The following RAB13 variants were observed in gnomAD, a reference collection of about 807,000 sequenced individuals.
The protein encoded by RAB13 is RAB13, member RAS oncogene family.
RAB13 carries 15 observed loss-of-function variants against 29.3 expected under a neutral mutation model. That is an observed-to-expected ratio of 0.51 (90% confidence interval 0.34 to 0.79). The LOEUF is 0.79. Among genes scored for constraint, RAB13 ranks in the 30% least tolerant of loss-of-function variants. The pLI, the probability that RAB13 is intolerant of heterozygous loss-of-function variation, is 0.01. For synonymous variants in RAB13, 82 were observed against 93.8 expected (o/e 0.87, Z 0.73); for missense variants, 186 against 255.5 (o/e 0.73, Z 1.85).
At position 153,983,282 on chromosome 1, in the gene RAB13, T is replaced by C. The variant is rs1184288870; in HGVS notation, c.261A>G (p.Val87=). ...YYRGAMGIIL[V]YDITDEKSFE... ...AAGATTTCTCATCCGTGATGTCGTA[T>C]ACTAGGATAATGCCCTGGGAGATGA... The change falls in exon 4 of 8, where the codon GTA becomes GTG. Residue 87 remains valine (V), a synonymous_variant. Transcript: ENST00000368575. 2.4e-5 allele frequency: 38 copies of C among 1,613,812 alleles called. No individual in the cohort carries two copies. Among genetic ancestry groups the C allele is most frequent in the Non-Finnish European group, 2.9e-5 (34 of 1,179,830 alleles).
At position 153,985,125 on chromosome 1, in the gene RAB13, T is replaced by G. The variant is rs137955634; in HGVS notation, c.125-344A>C. The stretch of plus-strand genomic sequence containing the variant: ...CTCTGTCTCCCCCCAGATATTACTT[T>G]CACATTCCTCTTCTCTGTTTTCTTA... On this transcript the variant is annotated intron_variant, in intron 1 of 7. Transcript: ENST00000368575. 644 of 1,055,502 alleles carry G rather than the reference T, an allele frequency of 6.1e-4. 3 individuals are homozygous for G. In the African/African-American group the frequency reaches 0.01, roughly 17 times the overall value. The allele number at this position is 1,055,502 out of a possible 1,614,324, so 65.4% of individuals were successfully genotyped here.
chr1:153,982,409 C>T lies in RAB13; in HGVS notation c.516G>A (p.Lys172=), dbSNP rs1225917171. Residue 172 remains lysine, a synonymous_variant, in exon 7 of 8, where the codon AAG becomes AAA. Coordinates refer to ENST00000368575, the MANE Select transcript of RAB13 (RefSeq NM_002870.5). ...FSSLARDILL[K]SGGRRSGNGN... Reference sequence around the variant, plus strand: ...AACTTACTGATCTCCGGCCTCCTGACTTGAGCAAGATGTCCCGGGCCAGGG... The same window carrying T: ...AACTTACTGATCTCCGGCCTCCTGATTTGAGCAAGATGTCCCGGGCCAGGG... 2.5e-6 allele frequency: 4 copies of T among 1,613,890 alleles called. No individual in the cohort carries two copies. The highest frequency in any genetic ancestry group is 3.4e-6 in the Non-Finnish European group (4 of 1,179,910).
chr1:153,982,843 C>T (rs1304023716), intron 4 of RAB13, 35 bp from the exon 5 acceptor site: 4 of 1,608,264 alleles, frequency 2.5e-6, no homozygotes, highest in Non-Finnish European at 3.4e-6. Context: ...TTAGGTCCTG[C>T]CGGCTGGGAG....
At chr1:153,986,439 C>T, upstream of RAB13, 1 of 558,580 alleles carries the variant, frequency 1.8e-6, no homozygotes, top group East Asian at 3.0e-5. Context: ...CAGGCCAAGG[C>T]TGCCAGCCCG....
At chr1:153,984,686 G>C (rs1649103853) in intron 2 of RAB13, 35 bp downstream of exon 2, 7 of 1,570,716 alleles carry the variant, frequency 4.5e-6, no homozygotes, top group Non-Finnish European at 5.3e-6. Flanking sequence ...GGTAAATGGG[G>C]AAGTCTGGCG....
chr1:153,989,550 A>T (rs1427001131), upstream of RAB13, among the ~76,000 whole-genome samples: 1 of 150,732 alleles, frequency 6.6e-6, no homozygotes, highest in Non-Finnish European at 1.5e-5. Flanking sequence ...CGCCCGGGCA[A>T]GAAAAAATTA....
At chr1:153,986,841 G>A (rs1251718962), upstream of RAB13, among the ~76,000 whole-genome samples, 2 of 152,158 alleles carry the variant, frequency 1.3e-5, no homozygotes, top group Admixed American at 1.3e-4. Context: ...TTAGTTCTAT[G>A]GGTCCCAATT....
rs200707259 is a variant in RAB13, at chr1:153,984,737, T to G, written c.169A>C (p.Ile57Leu). Reference sequence around the variant, plus strand: ...CTGACTTACCAGACTTGTAGTTTGATCTTCTTCCCCTCTATATCCACAGTG... The same window carrying G: ...CTGACTTACCAGACTTGTAGTTTGAGCTTCTTCCCCTCTATATCCACAGTG... ...IRTVDIEGKK[I>L]KLQVWDTAGQ... Residue 57 changes from isoleucine to leucine, a missense_variant, in exon 2 of 8, where the codon ATC becomes CTC. Coordinates refer to ENST00000368575, the MANE Select transcript of RAB13 (RefSeq NM_002870.5). The G allele has an allele frequency of 1.4e-4, 224 of 1,613,670 alleles. No homozygotes were observed. Among genetic ancestry groups the G allele is most frequent in the Non-Finnish European group, 1.8e-4 (215 of 1,179,762 alleles).
intron 1 of RAB13, chr1:153,985,899 G>C: frequency 1.6e-6 from 1 of 633,472 alleles, no homozygotes; most frequent in Non-Finnish European, 2.4e-6. Flanking sequence ...GGAGCTGGCA[G>C]CAGTTGAAGA....
In RAB13 at chr1:153,984,756, C is replaced by T. The variant is rs1649107092; in HGVS notation, c.150G>A (p.Val50=). ...GTTTGATCTTCTTCCCCTCTATATC[C>T]ACAGTGCGGATCTTGAAATCAATTC... ...TIGIDFKIRT[V]DIEGKKIKLQ... is the part of the protein sequence containing the mutation. Residue 50 remains valine, a synonymous_variant, in exon 2 of 8, where the codon GTG becomes GTA. Coordinates refer to ENST00000368575, the MANE Select transcript of RAB13 (RefSeq NM_002870.5). The T allele has an allele frequency of 6.2e-7, 1 of 1,613,546 alleles. No homozygotes were observed. Among genetic ancestry groups the T allele is most frequent in the Non-Finnish European group, 8.5e-7 (1 of 1,179,790 alleles).
upstream of RAB13, chr1:153,986,358 G>A: frequency 1.3e-6 from 1 of 794,722 alleles, no homozygotes; most frequent in Non-Finnish European, 2.0e-6. Context: ...CTCCCTCTCC[G>A]CCCAGGCTCC....
Position 153,982,195 on chromosome 1 carries a change from A to C in RAB13, c.535-19T>G. The C allele has an allele frequency of 6.2e-7, 1 of 1,606,456 alleles. No homozygotes were observed. The highest frequency in any genetic ancestry group is 8.5e-7 in the Non-Finnish European group (1 of 1,172,992). ...CGTTTCCCTAGAGGGAGAAGGGCAC[A>C]GGTGTCATGGTGTGAATGGATGGTT... On this transcript the variant is annotated intron_variant, in intron 7 of 7. Transcript: ENST00000368575.
chr1:153,983,993 A>G (rs1649079357), intron 2 of RAB13, among the ~76,000 whole-genome samples: 2 of 152,066 alleles, frequency 1.3e-5, no homozygotes, highest in Admixed American at 6.5e-5. Flanking sequence ...CCTGGCCAAC[A>G]TGGTGAAACC....
chr1:153,987,348 TAC>T (rs550441211), upstream of RAB13, among the ~76,000 whole-genome samples: 2 of 149,992 alleles, frequency 1.3e-5, no homozygotes, highest in South Asian at 2.1e-4. Context: ...CTACTAAAAA[TAC>T]ACACACACAC....
In RAB13 at chr1:153,983,509, C is replaced by CACACT. The variant is rs1480712503; in HGVS notation, c.246+7_246+11dup. 1 of 1,596,690 alleles carries CACACT rather than the reference C, an allele frequency of 6.3e-7. No individual in the cohort carries two copies. Among genetic ancestry groups the CACACT allele is most frequent in the African/African-American group, 1.3e-5 (1 of 74,580 alleles). On this transcript the variant is annotated intron_variant, in intron 3 of 7. Coordinates refer to ENST00000368575, the MANE Select transcript of RAB13 (RefSeq NM_002870.5). Reference sequence around the variant, plus strand: ...TCATCCTTCATCCTTTGTTCAGACCCACACTTCATACCATGGCTCCACGGT... The same window carrying CACACT: ...TCATCCTTCATCCTTTGTTCAGACCCACACTACACTTCATACCATGGCTCCACGGT...
At chr1:153,983,059 A>C in intron 4 of RAB13, 160 bp downstream of exon 4, 1 of 765,472 alleles carries the variant, frequency 1.3e-6, no homozygotes, top group Non-Finnish European at 2.3e-6. Context: ...TGGGAGGCAG[A>C]GGTTGCAGTG....
Position 153,983,278 on chromosome 1 carries a change from C to T in RAB13, c.265G>A (p.Asp89Asn), listed in dbSNP as rs868247308. 16 of 1,613,760 alleles carry T rather than the reference C, an allele frequency of 9.9e-6. No individual in the cohort carries two copies. The highest frequency in any genetic ancestry group is 1.6e-4 in the Middle Eastern group (1 of 6,084). The change falls in exon 4 of 8, where the codon GAC becomes AAC. Residue 89 changes from aspartate (D) to asparagine (N), a missense_variant. Physicochemically the swap from Asp to Asn is conservative, Grantham distance 23 (BLOSUM62 1). Coordinates refer to ENST00000368575, the MANE Select transcript of RAB13 (RefSeq NM_002870.5). The part of the protein sequence containing the change: ...RGAMGIILVY[D>N]ITDEKSFENI... Reference sequence around the variant, plus strand: ...TCGAAAGATTTCTCATCCGTGATGTCGTATACTAGGATAATGCCCTGGGAG... The same window carrying T: ...TCGAAAGATTTCTCATCCGTGATGTTGTATACTAGGATAATGCCCTGGGAG...
chr1:153,984,177 CAAAAAA>C (rs751964337), intron 2 of RAB13, among the ~76,000 whole-genome samples: 5 of 74,502 alleles, frequency 6.7e-5, no homozygotes, highest in South Asian at 4.2e-4. Context: ...AACTCTGTCT[CAAAAAA>C]AAAAAAAAAA....
chr1:153,986,475 C>G (rs764157211), upstream of RAB13: 5 of 517,210 alleles, frequency 9.7e-6, no homozygotes, highest in African/African-American at 3.9e-5. Flanking sequence ...GTTTTCCCTT[C>G]CTAGCTTAGG....
Sources: allele counts gnomAD v4.1 joint callset (sites outside exome capture counted in the v4.1 genomes callset), GRCh38; gene constraint gnomAD v4.1.1; transcripts MANE v1.5; gene names NCBI Gene and HGNC (gene_info 2026-07-23, HGNC 2026-07-21).